The following CTNNA3 variants were observed in gnomAD, a reference collection of about 807,000 sequenced individuals.
CTNNA3 encodes the protein catenin alpha-3.
Under a neutral mutation model 95.7 loss-of-function variants are expected in CTNNA3, and 76 were observed. That is an observed-to-expected ratio of 0.79 (90% confidence interval 0.66 to 0.96). The LOEUF is 0.96. CTNNA3 is among the 40% of genes least tolerant of loss of function. The probability of loss-of-function intolerance (pLI) is 0.00; values close to 1 mark genes in which losing one functional copy is unlikely to be tolerated. For synonymous variants in CTNNA3, 431 were observed against 374.4 expected (o/e 1.15, Z -1.74); for missense variants, 1,191 against 1,089.8 (o/e 1.09, Z -1.31).
Position 66,215,473 on chromosome 10 carries a change from A to G in CTNNA3, c.1884+64997T>C, listed in dbSNP as rs140088427. The stretch of plus-strand genomic sequence containing the variant: ...TTCTGGTATCACTGTCCTGTCACAC[A>G]TGAAAATATACAATGACTCCATCTC... On this transcript the variant is annotated intron_variant, in intron 13 of 17. Transcript: ENST00000433211. Among the ~76,000 whole-genome samples the G allele has an allele frequency of 4.7e-3, 715 of 152,342 alleles. 2 individuals are homozygous for G. Among genetic ancestry groups the G allele is most frequent in the African/African-American group, 0.016 (676 of 41,582 alleles).
intron 5 of CTNNA3, among the ~76,000 whole-genome samples, chr10:67,243,380 T>C (rs1865789794): frequency 2.0e-5 from 3 of 152,064 alleles, no homozygotes; most frequent in African/African-American, 7.2e-5. Flanking sequence ...GGAGAAATAA[T>C]TAGGGATAAA....
At chr10:66,682,995 C>T (rs1178702150) in intron 9 of CTNNA3, among the ~76,000 whole-genome samples, 1 of 152,032 alleles carries the variant, frequency 6.6e-6, no homozygotes, top group Non-Finnish European at 1.5e-5. Context: ...CAATCATTGC[C>T]AGATCTTAAC....
intron 11 of CTNNA3, among the ~76,000 whole-genome samples, chr10:66,423,863 C>T (rs1240718933): frequency 6.6e-6 from 1 of 151,914 alleles, no homozygotes; most frequent in Non-Finnish European, 1.5e-5. Context: ...TTTCTTTCCT[C>T]TTTCTTTAAC....
At chr10:66,423,313 A>G (rs2093211703) in intron 11 of CTNNA3, among the ~76,000 whole-genome samples, 1 of 152,122 alleles carries the variant, frequency 6.6e-6, no homozygotes, top group African/African-American at 2.4e-5. Context: ...ATACTAACAA[A>G]TTTAATCATG....
At chr10:67,611,519 T>C (rs1589487113) in intron 2 of CTNNA3, among the ~76,000 whole-genome samples, 1 of 151,984 alleles carries the variant, frequency 6.6e-6, no homozygotes, top group East Asian at 1.9e-4. Flanking sequence ...GGTTTCACCA[T>C]GTTAGCCAGG....
chr10:66,561,008 G>C (rs1842536974), intron 10 of CTNNA3, among the ~76,000 whole-genome samples: 1 of 151,900 alleles, frequency 6.6e-6, no homozygotes, highest in African/African-American at 2.4e-5. Flanking sequence ...ATAAATTTTT[G>C]TTGTTTAAGC....
At chr10:66,600,389 T>C (rs1843877523) in intron 10 of CTNNA3, among the ~76,000 whole-genome samples, 1 of 151,818 alleles carries the variant, frequency 6.6e-6, no homozygotes, top group African/African-American at 2.4e-5. Flanking sequence ...AGGGACCATA[T>C]ATTGCTCTAA....
chr10:67,739,585 G>T (rs1185450745), intron 1 of CTNNA3, among the ~76,000 whole-genome samples: 2 of 151,580 alleles, frequency 1.3e-5, no homozygotes, highest in South Asian at 2.1e-4. Context: ...AAATACCTAG[G>T]AATCCACCTT....
At chr10:66,600,979 C>T (rs1043252781) in intron 10 of CTNNA3, among the ~76,000 whole-genome samples, 15 of 151,852 alleles carry the variant, frequency 9.9e-5, no homozygotes, top group African/African-American at 3.6e-4. Context: ...GTGTTCAAAT[C>T]CTAAAGCATT....
chr10:66,953,579 T>G (rs976995561), intron 7 of CTNNA3, among the ~76,000 whole-genome samples: 11 of 152,184 alleles, frequency 7.2e-5, no homozygotes, highest in Non-Finnish European at 1.3e-4. Context: ...CTCATGGGTT[T>G]TGTTTTTTTC....
intron 11 of CTNNA3, among the ~76,000 whole-genome samples, chr10:66,427,394 T>C (rs2093251899): frequency 6.6e-6 from 1 of 152,074 alleles, no homozygotes; most frequent in Non-Finnish European, 1.5e-5. Context: ...TATTTTGTAC[T>C]AGCCTTCCCC....
intron 5 of CTNNA3, among the ~76,000 whole-genome samples, chr10:67,277,327 C>A (rs1367135021): frequency 6.6e-6 from 1 of 151,996 alleles, no homozygotes; most frequent in Admixed American, 6.6e-5. Flanking sequence ...TGGTTGTATG[C>A]AGTTTGAATA....
chr10:67,292,721 C>T (rs1025478620), intron 5 of CTNNA3, among the ~76,000 whole-genome samples: 1 of 151,990 alleles, frequency 6.6e-6, no homozygotes, highest in African/African-American at 2.4e-5. Flanking sequence ...AATAAAAAGC[C>T]ATAAAGCTGT....
intron 5 of CTNNA3, among the ~76,000 whole-genome samples, chr10:67,464,220 A>C (rs1847487660): frequency 6.6e-6 from 1 of 152,032 alleles, no homozygotes; most frequent in Non-Finnish European, 1.5e-5. Context: ...TTGCCCTTGG[A>C]TATTTCCTTC....
At chr10:66,755,441 T>C (rs1337116296) in intron 9 of CTNNA3, among the ~76,000 whole-genome samples, 1 of 152,028 alleles carries the variant, frequency 6.6e-6, no homozygotes, top group Non-Finnish European at 1.5e-5. Context: ...AAACATGACT[T>C]ATATCTCGAT....
chr10:67,340,911 A>T (rs559569926), intron 5 of CTNNA3, among the ~76,000 whole-genome samples: 3 of 152,286 alleles, frequency 2.0e-5, no homozygotes, highest in African/African-American at 7.2e-5. Context: ...TTCAACTTTT[A>T]CTACATATTA....
rs1157481491 is a variant in CTNNA3, at chr10:67,246,185, T to TTC, written c.580-26316_580-26315insGA. On this transcript the variant is annotated intron_variant, in intron 5 of 17. Coordinates refer to ENST00000433211, the MANE Select transcript of CTNNA3 (RefSeq NM_013266.4). ...ACGATTTTGCCTTACTCAAGAACTG[T>TTC]ACGCAGAGCATGAATCATCTATATG... 1.6e-4 allele frequency among the ~76,000 whole-genome samples: 24 copies of TTC among 152,360 alleles called. No homozygotes were observed. The East Asian group carries it at 4.6e-3, about 29-fold the overall frequency.
intron 1 of CTNNA3, among the ~76,000 whole-genome samples, chr10:67,684,190 C>T (rs887458801): frequency 6.6e-5 from 10 of 152,174 alleles, no homozygotes; most frequent in Non-Finnish European, 1.2e-4. Flanking sequence ...TTACAGAGTG[C>T]TGATTGGCAC....
At chr10:67,604,688 CTAAAA>C (rs1843206725) in intron 3 of CTNNA3, among the ~76,000 whole-genome samples, 1 of 152,062 alleles carries the variant, frequency 6.6e-6, no homozygotes, top group African/African-American at 2.4e-5. Context: ...TACCCTGAAC[CTAAAA>C]TAAAAGTTTT....
Sources: gnomAD v4.1 joint callset for allele counts (sites outside exome capture counted in the v4.1 genomes callset) on GRCh38, gnomAD v4.1.1 for gene constraint, MANE v1.5 for transcripts, NCBI Gene and HGNC (gene_info 2026-07-23, HGNC 2026-07-21) for gene names.